The following ARPP21 variants were observed in gnomAD, a reference collection of about 807,000 sequenced individuals.
ARPP21 encodes cAMP regulated phosphoprotein 21.
A neutral mutation model predicts 113.2 loss-of-function variants in ARPP21; 69 were observed. The observed-to-expected ratio is 0.61, with a 90% CI of 0.50 to 0.74. The LOEUF (loss-of-function observed/expected upper bound fraction) is 0.74. Ranked by LOEUF, ARPP21 falls within the 30% of genes least tolerant of loss-of-function variation. The pLI is 0.00. For missense variants in ARPP21, 1,070 were observed against 1,037.4 expected (o/e 1.03, Z -0.43); for synonymous variants, 368 against 375.5 (o/e 0.98, Z 0.23).
intron 19 of ARPP21, among the ~76,000 whole-genome samples, chr3:35,755,182 G>A (rs2095530187): frequency 6.6e-6 from 1 of 151,836 alleles, no homozygotes; most frequent in Non-Finnish European, 1.5e-5. Flanking sequence ...TTTGTTTCTT[G>A]TTAATTTTTT....
At chr3:35,754,100 A>C (rs1010075076) in intron 19 of ARPP21, among the ~76,000 whole-genome samples, 1 of 151,836 alleles carries the variant, frequency 6.6e-6, no homozygotes, top group Non-Finnish European at 1.5e-5. Flanking sequence ...AGAATGTGGA[A>C]TACTGGTATG....
At position 35,684,076 on chromosome 3, in the gene ARPP21, A is replaced by C. The variant is rs750952897; in HGVS notation, c.261+261A>C. 6 of 1,588,682 alleles carry C rather than the reference A, an allele frequency of 3.8e-6. No individual in the cohort carries two copies. In the East Asian group the frequency reaches 1.4e-4, roughly 36 times the overall value. ...TCAAAAGAATTTAGATTAAAAGTTAAATAAAAAGTAGGCACAGTAGTGCTG... is the reference window on the plus strand; with the variant it reads ...TCAAAAGAATTTAGATTAAAAGTTACATAAAAAGTAGGCACAGTAGTGCTG... On this transcript the variant is annotated intron_variant, in intron 5 of 20. Coordinates refer to ENST00000684406, the MANE Select transcript of ARPP21 (RefSeq NM_001385562.1).
rs555776343 is a variant in ARPP21 at position 35,763,323 on chromosome 3, T to C, written c.2137+19358T>C. ...GTTGATAGAAGGTGGAATTTTTACATGGCCTTAGGGTGACACATTAGAGTT... is the reference window on the plus strand; with the variant it reads ...GTTGATAGAAGGTGGAATTTTTACACGGCCTTAGGGTGACACATTAGAGTT... On this transcript the variant is annotated intron_variant, in intron 19 of 20. Transcript: ENST00000684406. 2.6e-5 allele frequency among the ~76,000 whole-genome samples: 4 copies of C among 152,250 alleles called. No homozygotes were observed. In the East Asian group the frequency reaches 7.7e-4, roughly 29 times the overall value.
intron 1 of ARPP21, among the ~76,000 whole-genome samples, chr3:35,668,668 A>T (rs1027145417): frequency 3.9e-5 from 6 of 152,194 alleles, no homozygotes; most frequent in Admixed American, 2.0e-4. Context: ...ATGCACACAC[A>T]TAAATATTTA....
intron 14 of ARPP21, among the ~76,000 whole-genome samples, chr3:35,724,216 C>T (rs1334486296): frequency 6.6e-6 from 1 of 152,166 alleles, no homozygotes; most frequent in Non-Finnish European, 1.5e-5. Context: ...CTCTTGAGGC[C>T]TGGGCTGCCT....
chr3:35,651,676 A>T (rs1702448786), intron 1 of ARPP21: 1 of 151,994 alleles, frequency 6.6e-6, no homozygotes. Context: ...CTAAAAGGGG[A>T]TTGTTCTAAG....
At chr3:35,682,754 C>T (rs1055375476) in intron 3 of ARPP21, 94 bp from the exon 4 acceptor site, 42 of 1,165,194 alleles carry the variant, frequency 3.6e-5, no homozygotes, top group Non-Finnish European at 3.5e-5. Context: ...TGACATTTTT[C>T]TCTCTTTCTT....
At chr3:35,706,342 A>G (rs2089021053) in intron 9 of ARPP21, among the ~76,000 whole-genome samples, 1 of 152,194 alleles carries the variant, frequency 6.6e-6, no homozygotes, top group African/African-American at 2.4e-5. Context: ...TGCTTGAAGC[A>G]TTTTCCCCAT....
chr3:35,645,818 A>G (rs960554128), intron 1 of ARPP21, among the ~76,000 whole-genome samples: 3 of 151,998 alleles, frequency 2.0e-5, no homozygotes, highest in Non-Finnish European at 2.9e-5. Context: ...TTTAATTGCT[A>G]AGATACAATA....
intron 19 of ARPP21, chr3:35,744,585 C>T (rs371093204): frequency 9.8e-6 from 5 of 508,796 alleles, no homozygotes; most frequent in Non-Finnish European, 2.0e-5. Context: ...TGCCGTTATC[C>T]AAAGAGCAGC....
intron 19 of ARPP21, among the ~76,000 whole-genome samples, chr3:35,747,941 G>T (rs1480963357): frequency 1.5e-5 from 2 of 130,200 alleles, no homozygotes; most frequent in African/African-American, 3.1e-5. Flanking sequence ...AGGAAAGAAA[G>T]AAAGAAAAAG....
At chr3:35,712,480 A>G (rs545284913) in intron 11 of ARPP21, among the ~76,000 whole-genome samples, 2 of 150,776 alleles carry the variant, frequency 1.3e-5, no homozygotes, top group African/African-American at 2.4e-5. Flanking sequence ...ACATTCTTGA[A>G]TATTTTCCAA....
chr3:35,721,886 C>T, intron 14 of ARPP21, 52 bp downstream of exon 14: 1 of 1,203,544 alleles, frequency 8.3e-7, no homozygotes, highest in Non-Finnish European at 1.2e-6. Flanking sequence ...GGATTCTACC[C>T]AAGCCATATG....
chr3:35,744,755 C>G (rs1319238602), intron 19 of ARPP21, among the ~76,000 whole-genome samples: 1 of 152,162 alleles, frequency 6.6e-6, no homozygotes, highest in African/African-American at 2.4e-5. Context: ...GTGCTCCTTG[C>G]TGCTACTCAT....
intron 14 of ARPP21, among the ~76,000 whole-genome samples, chr3:35,727,562 A>C (rs1236389831): frequency 6.6e-6 from 1 of 152,206 alleles, no homozygotes; most frequent in Non-Finnish European, 1.5e-5. Context: ...TTAAGGGCAT[A>C]TTGTAGAATC....
At chr3:35,667,963 GAAGAAGAAGA>G (rs1168835543) in intron 1 of ARPP21, among the ~76,000 whole-genome samples, 32 of 84,246 alleles carry the variant, frequency 3.8e-4, no homozygotes, top group Non-Finnish European at 7.0e-4. Flanking sequence ...AGAAGAAGAA[GAAGAAGAAGA>G]AGAAGAAGAA....
At chr3:35,774,643 C>T (rs1458142038) in intron 19 of ARPP21, 1 of 152,138 alleles carries the variant, frequency 6.6e-6, no homozygotes. Context: ...ATTCTGGATT[C>T]TTGTGACTGG....
At chr3:35,687,261 T>C (rs1265994528) in intron 5 of ARPP21, among the ~76,000 whole-genome samples, 1 of 151,296 alleles carries the variant, frequency 6.6e-6, no homozygotes. Flanking sequence ...GTAAATTCAG[T>C]AATAGGGGCT....
Position 35,687,824 on chromosome 3 carries a change from A to G in ARPP21, c.347A>G (p.Glu116Gly), listed in dbSNP as rs752945983. Reference protein sequence around the residue: ...SRKDDSEREKEKDKNKDKTSE... With the variant: ...SRKDDSEREKGKDKNKDKTSE... The stretch of plus-strand genomic sequence containing the variant: ...AAAGATGACTCTGAAAGAGAAAAAG[A>G]AAAGGATAAAAACAAAGATAAAACC... Residue 116 changes from glutamate (E) to glycine (G), a missense_variant, in exon 6 of 21, where the codon GAA becomes GGA. Coordinates refer to ENST00000684406, the MANE Select transcript of ARPP21 (RefSeq NM_001385562.1). 1.2e-6 allele frequency: 2 copies of G among 1,603,506 alleles called. No individual in the cohort carries two copies. Among genetic ancestry groups the G allele is most frequent in the Admixed American group, 1.7e-5 (1 of 58,314 alleles).
Sources: allele counts gnomAD v4.1 joint callset (sites outside exome capture counted in the v4.1 genomes callset), GRCh38; gene constraint gnomAD v4.1.1; transcripts MANE v1.5; gene names NCBI Gene and HGNC (gene_info 2026-07-23, HGNC 2026-07-21).